Variants in NAALADL2 observed in about 807,000 individuals in gnomAD.
The protein encoded by NAALADL2 is inactive N-acetylated-alpha-linked acidic dipeptidase-like protein 2.
Under a neutral mutation model 87.2 loss-of-function variants are expected in NAALADL2, and 76 were observed. The observed-to-expected ratio is 0.87, with a 90% CI of 0.72 to 1.05. NAALADL2 has a LOEUF of 1.05. Ranked by LOEUF, NAALADL2 falls within the 50% of genes least tolerant of loss-of-function variation. NAALADL2 has a pLI of 0.00. For synonymous variants in NAALADL2, 354 were observed against 331.0 expected (o/e 1.07, Z -0.75); for missense variants, 1,089 against 945.8 (o/e 1.15, Z -1.99).
chr3:174,867,676 T>C (rs1727327417), intron 1 of NAALADL2, among the ~76,000 whole-genome samples: 2 of 152,044 alleles, frequency 1.3e-5, no homozygotes, highest in Non-Finnish European at 2.9e-5. Flanking sequence ...ACATGAAAAT[T>C]AGTTGAGCAT....
At chr3:175,047,206 T>C (rs1220085571) in intron 1 of NAALADL2, among the ~76,000 whole-genome samples, 1 of 152,174 alleles carries the variant, frequency 6.6e-6, no homozygotes. Flanking sequence ...ACACAAACAT[T>C]CTGTCCTTGT....
intron 10 of NAALADL2, among the ~76,000 whole-genome samples, chr3:175,624,654 G>A (rs184895212): frequency 2.3e-4 from 35 of 152,084 alleles, no homozygotes; most frequent in African/African-American, 7.9e-4. Flanking sequence ...CACATGGTAT[G>A]TATAATACAT....
intron 5 of NAALADL2, among the ~76,000 whole-genome samples, chr3:175,346,907 A>G (rs10433471): frequency 0.25 from 38,263 of 152,130 alleles, 5,688 homozygotes; most frequent in East Asian, 0.44. Flanking sequence ...AATAACTACA[A>G]TAACAGTAAT....
At chr3:174,519,035 T>G (rs1301190772) in intron 1 of NAALADL2, among the ~76,000 whole-genome samples, 5 of 152,344 alleles carry the variant, frequency 3.3e-5, no homozygotes, top group Non-Finnish European at 5.9e-5. Flanking sequence ...TCTGTATTTC[T>G]TTATCTCTCT....
intron 4 of NAALADL2, among the ~76,000 whole-genome samples, chr3:175,316,559 C>T (rs942186640): frequency 2.0e-5 from 3 of 152,120 alleles, no homozygotes; most frequent in Non-Finnish European, 4.4e-5. Flanking sequence ...CCCATGTAGT[C>T]ATCGTTCTAT....
chr3:175,637,581 C>T (rs188195409), intron 11 of NAALADL2, among the ~76,000 whole-genome samples: 12 of 152,166 alleles, frequency 7.9e-5, no homozygotes, highest in African/African-American at 2.9e-4. Flanking sequence ...GGCACCTCCC[C>T]AGTCCCCTCT....
chr3:175,576,889 T>A (rs1056374266), intron 10 of NAALADL2, among the ~76,000 whole-genome samples: 15 of 152,324 alleles, frequency 9.8e-5, no homozygotes, highest in African/African-American at 3.4e-4. Flanking sequence ...ATTATTACAT[T>A]AACAAAATAA....
chr3:175,140,474 C>T (rs530938312), intron 2 of NAALADL2, among the ~76,000 whole-genome samples: 15 of 152,200 alleles, frequency 9.9e-5, no homozygotes, highest in African/African-American at 3.6e-4. Flanking sequence ...AAAAGGGACA[C>T]ATAACACCAC....
At chr3:175,328,317 T>G (rs1265737878) in intron 5 of NAALADL2, among the ~76,000 whole-genome samples, 2 of 152,178 alleles carry the variant, frequency 1.3e-5, no homozygotes, top group Non-Finnish European at 2.9e-5. Flanking sequence ...AATATTTAGT[T>G]GAGTACTTCT....
intron 2 of NAALADL2, among the ~76,000 whole-genome samples, chr3:175,141,490 A>G (rs1289528091): frequency 6.6e-6 from 1 of 152,132 alleles, no homozygotes; most frequent in African/African-American, 2.4e-5. Flanking sequence ...AGAGGGTCAA[A>G]TGATTCCATG....
At chr3:175,724,186 T>C (rs1241822312) in intron 11 of NAALADL2, among the ~76,000 whole-genome samples, 1 of 152,086 alleles carries the variant, frequency 6.6e-6, no homozygotes, top group African/African-American at 2.4e-5. Context: ...TATCACGTGG[T>C]TTAACTGGTC....
chr3:175,720,851 G>T (rs1015794949), intron 11 of NAALADL2, among the ~76,000 whole-genome samples: 4 of 152,002 alleles, frequency 2.6e-5, no homozygotes, highest in Non-Finnish European at 4.4e-5. Context: ...AAGAAATAAA[G>T]ATATTTTAGA....
intron 3 of NAALADL2, among the ~76,000 whole-genome samples, chr3:175,240,966 T>C (rs2109598852): frequency 6.6e-6 from 1 of 152,214 alleles, no homozygotes; most frequent in South Asian, 2.1e-4. Context: ...AGGCCCAGGT[T>C]TGAAGTTTTT....
intron 3 of NAALADL2, among the ~76,000 whole-genome samples, chr3:174,784,488 TAGCTAGCAC>T (rs1400716970): frequency 1.3e-5 from 2 of 152,166 alleles, no homozygotes; most frequent in Admixed American, 6.6e-5. Context: ...TGTGCCTCAG[TAGCTAGCAC>T]AGTGCTGGAT....
intron 1 of NAALADL2, among the ~76,000 whole-genome samples, chr3:175,071,659 A>G (rs1715668428): frequency 6.6e-6 from 1 of 152,020 alleles, no homozygotes; most frequent in South Asian, 2.1e-4. Flanking sequence ...TGACTGGGGA[A>G]TGTTATTGGG....
chr3:175,552,819 A>T (rs1010427403), intron 9 of NAALADL2, among the ~76,000 whole-genome samples: 17 of 152,158 alleles, frequency 1.1e-4, no homozygotes, highest in Non-Finnish European at 2.5e-4. Flanking sequence ...ATGATATGCC[A>T]TATATTCCTG....
chr3:175,747,472 T>A (rs1470615939), intron 12 of NAALADL2, among the ~76,000 whole-genome samples: 1 of 152,194 alleles, frequency 6.6e-6, no homozygotes, highest in Non-Finnish European at 1.5e-5. Context: ...GATAAAACCC[T>A]GTGCCCATGA....
chr3:175,077,265 G>A (rs920195063), intron 1 of NAALADL2, among the ~76,000 whole-genome samples: 1 of 152,126 alleles, frequency 6.6e-6, no homozygotes, highest in Non-Finnish European at 1.5e-5. Flanking sequence ...AAAACGATTG[G>A]AGAGACCCTA....
At chr3:175,582,574 A>G (rs1490478099) in intron 10 of NAALADL2, among the ~76,000 whole-genome samples, 1 of 152,216 alleles carries the variant, frequency 6.6e-6, no homozygotes, top group Non-Finnish European at 1.5e-5. Flanking sequence ...AAAATTGACA[A>G]CAGTCAAGTT....
Sources: allele counts gnomAD v4.1 joint callset (sites outside exome capture counted in the v4.1 genomes callset), GRCh38; gene constraint gnomAD v4.1.1; transcripts MANE v1.5; gene names NCBI Gene and HGNC (gene_info 2026-07-23, HGNC 2026-07-21).